The following CHD7 variants were observed in gnomAD, a reference collection of about 807,000 sequenced individuals.
CHD7 encodes chromodomain helicase DNA binding protein 7, also known as ATP-dependent chromatin remodeler CHD7.
In CHD7, 24 loss-of-function variants were observed where a neutral mutation model predicts 307.3. The ratio of observed to expected loss-of-function variants is 0.08; its 90% CI spans 0.06 to 0.11. The LOEUF (loss-of-function observed/expected upper bound fraction) is 0.11, where lower values mean the gene tolerates loss of function less well. CHD7 is among the 10% of genes least tolerant of loss of function. The pLI is 1.00. For synonymous variants in CHD7, 1,363 were observed against 1,349.9 expected (o/e 1.01, Z -0.21); for missense variants, 3,106 against 3,727.1 (o/e 0.83, Z 4.34).
chr8:60,865,231 C>G lies in CHD7; in HGVS notation c.8292C>G (p.Leu2764=), dbSNP rs1196717284. The G allele has an allele frequency of 6.2e-7, 1 of 1,608,418 alleles. No homozygotes were observed. Among genetic ancestry groups the G allele is most frequent in the Admixed American group, 1.7e-5 (1 of 59,188 alleles). ...CGAGCCTTCAGAATCTCCAGAATCTCCAGTCGCTCCAGCTGGCAGGCCTCA... is the reference window on the plus strand; with the variant it reads ...CGAGCCTTCAGAATCTCCAGAATCTGCAGTCGCTCCAGCTGGCAGGCCTCA... ...DLTSLQNLQN[L]QSLQLAGLMG... Residue 2764 remains leucine, a synonymous_variant, in exon 38 of 38, where the codon CTC becomes CTG. Coordinates refer to ENST00000423902, the MANE Select transcript of CHD7 (RefSeq NM_017780.4). The surrounding 1 kb of genome is among the most constrained non-coding windows in gnomAD (Gnocchi z 4.3).
At chr8:60,762,574 A>T (rs1810267547) in intron 2 of CHD7, among the ~76,000 whole-genome samples, 1 of 152,236 alleles carries the variant, frequency 6.6e-6, no homozygotes, top group Non-Finnish European at 1.5e-5. Context: ...AAAGACTGAG[A>T]TAATACATGT....
intron 3 of CHD7, among the ~76,000 whole-genome samples, chr8:60,792,815 C>T (rs1286531031): frequency 2.0e-5 from 3 of 152,276 alleles, no homozygotes; most frequent in East Asian, 1.9e-4. Context: ...GTGAAAAGCG[C>T]GAGCTGCCAA....
At chr8:60,837,594 C>T (rs778588634) in intron 17 of CHD7, 74 bp from the exon 18 acceptor site, 64 of 1,288,900 alleles carry the variant, frequency 5.0e-5, no homozygotes, top group Non-Finnish European at 6.6e-5. Flanking sequence ...ATGAGGGTTT[C>T]AGCATATGAA....
chr8:60,815,028 T>G (rs4738828), intron 7 of CHD7, among the ~76,000 whole-genome samples: 80,435 of 152,164 alleles, frequency 0.53, 25,563 homozygotes, highest in East Asian at 0.79. Context: ...ATTTTCAGAT[T>G]TGGAACCTGT....
chr8:60,761,786 T>C (rs755705553), intron 2 of CHD7, among the ~76,000 whole-genome samples: 5 of 152,122 alleles, frequency 3.3e-5, no homozygotes, highest in Non-Finnish European at 1.5e-5. Flanking sequence ...GCCCTTCCTG[T>C]TAATAAATAG....
At chr8:60,851,842 TAA>T (rs1162220483) in intron 28 of CHD7, among the ~76,000 whole-genome samples, 175 bp from the exon 29 acceptor site, 4 of 152,218 alleles carry the variant, frequency 2.6e-5, no homozygotes, top group East Asian at 1.9e-4. Context: ...AAAAAAGAAA[TAA>T]GTGTATATAT....
intron 7 of CHD7, among the ~76,000 whole-genome samples, chr8:60,811,219 C>T (rs1042586499): frequency 3.3e-5 from 5 of 152,086 alleles, no homozygotes; most frequent in African/African-American, 4.8e-5. Flanking sequence ...TTTTAGCCCC[C>T]GCTTGTTGAT....
At chr8:60,759,216 T>C (rs964884082) in intron 2 of CHD7, among the ~76,000 whole-genome samples, 1 of 152,194 alleles carries the variant, frequency 6.6e-6, no homozygotes, top group Non-Finnish European at 1.5e-5. Context: ...TAACTGTGTT[T>C]GGGAGTGGGA....
rs146636024 is a variant in CHD7, at chr8:60,853,628, T to G, written c.6775+128T>G. ...GTGTACATTTTCTTCTGTGAAGGGA[T>G]AATTTCAAGTTATGCTTATATCTGT... On this transcript the variant is annotated intron_variant, in intron 31 of 37. Transcript: ENST00000423902. 1.3e-3 allele frequency: 907 copies of G among 690,496 alleles called. 7 individuals are homozygous for G. In the African/African-American group the frequency reaches 0.015, roughly 11 times the overall value. 42.8% of individuals were successfully genotyped at this position (690,496 alleles called of 1,614,324 possible).
At chr8:60,708,110 A>G (rs1188859620) in intron 1 of CHD7, among the ~76,000 whole-genome samples, 3 of 152,238 alleles carry the variant, frequency 2.0e-5, no homozygotes, top group African/African-American at 7.2e-5. Flanking sequence ...TTTAGGAACC[A>G]GGAAGAATTT....
chr8:60,730,478 A>T (rs1554579143), intron 1 of CHD7, among the ~76,000 whole-genome samples: 1 of 152,012 alleles, frequency 6.6e-6, no homozygotes, highest in Non-Finnish European at 1.5e-5. Flanking sequence ...GGTACAGTAG[A>T]CCCCCTGCCC....
In CHD7 at chr8:60,781,408, C is replaced by T; in HGVS notation, c.2074C>T (p.Pro692Ser). 2 of 1,527,596 alleles carry T rather than the reference C, an allele frequency of 1.3e-6. No individual in the cohort carries two copies. The highest frequency in any genetic ancestry group is 1.7e-6 in the Non-Finnish European group (2 of 1,146,698). The allele number at this position is 1,527,596 out of a possible 1,614,324, so 94.6% of individuals were successfully genotyped here. The change falls in exon 3 of 38, where the codon CCC (proline) becomes TCC (serine). Residue 692 changes from proline (P) to serine (S), a missense_variant. Physicochemically the swap from Pro to Ser is moderately conservative, Grantham distance 74 (BLOSUM62 -1). This residue lies in a region of CHD7 where 998 missense variants were observed against 1,004.5 expected (regional missense o/e 0.99). Coordinates refer to ENST00000423902, the MANE Select transcript of CHD7 (RefSeq NM_017780.4). ...GAAAGCAAAAACTGCCACGCCAAAA[C>T]CCAAATCCAGCAAAAAGTCAAGGTA... ...EKKAKTATPK[P>S]KSSKKSSNKK... is the part of the protein sequence containing the mutation.
chr8:60,750,634 T>G (rs1166084307), intron 2 of CHD7, among the ~76,000 whole-genome samples: 1 of 152,202 alleles, frequency 6.6e-6, no homozygotes, highest in Non-Finnish European at 1.5e-5. Context: ...CAACATGTAG[T>G]CAGTATAAAA....
At position 60,856,723 on chromosome 8, in the gene CHD7, A is replaced by G. The variant is rs767478916; in HGVS notation, c.7443A>G (p.Gln2481=). 2 of 1,614,038 alleles carry G rather than the reference A, an allele frequency of 1.2e-6. No individual in the cohort carries two copies. The highest frequency in any genetic ancestry group is 1.7e-6 in the Non-Finnish European group (2 of 1,179,888). ...CAGTGTCTGATGCCTTTAAGACTCA[A>G]ATGGAACTGCTCCAAGCAGGCCTTT... is the stretch of plus-strand genomic sequence containing the variant. ...STPVSDAFKT[Q]MELLQAGLSR... The change falls in exon 34 of 38, where the codon CAA becomes CAG. Residue 2481 remains glutamine, a synonymous_variant. Coordinates refer to ENST00000423902, the MANE Select transcript of CHD7 (RefSeq NM_017780.4).
intron 2 of CHD7, among the ~76,000 whole-genome samples, chr8:60,779,054 C>G (rs1041239626): frequency 4.6e-5 from 7 of 152,334 alleles, no homozygotes; most frequent in Admixed American, 2.6e-4. Context: ...TATATCGTTA[C>G]TCTTTTTTCA....
chr8:60,843,798 G>A (rs1805076685), intron 21 of CHD7, among the ~76,000 whole-genome samples: 1 of 152,230 alleles, frequency 6.6e-6, no homozygotes, highest in Non-Finnish European at 1.5e-5. Flanking sequence ...GTAAGAGGGA[G>A]TGCTGGGGTT....
chr8:60,757,565 T>C (rs1267895820), intron 2 of CHD7, among the ~76,000 whole-genome samples: 3 of 152,316 alleles, frequency 2.0e-5, no homozygotes, highest in African/African-American at 4.8e-5. Context: ...TGACTCTTCC[T>C]AAAGAGGTTG....
chr8:60,838,199 C>T lies in CHD7; in HGVS notation c.4477C>T (p.Arg1493Cys), dbSNP rs1009126876. Residue 1493 changes from arginine to cysteine, a missense_variant, in exon 19 of 38, where the codon CGT becomes TGT. Coordinates refer to ENST00000423902, the MANE Select transcript of CHD7 (RefSeq NM_017780.4). ...CEEDIDQILL[R>C]RTHTITIESE... ...AGAAGATATTGATCAGATCCTCCTA[C>T]GTCGAACCCACACCATTACCATTGA... 1.6e-5 allele frequency: 25 copies of T among 1,601,626 alleles called. No homozygotes were observed. The highest frequency in any genetic ancestry group is 2.1e-5 in the Non-Finnish European group (25 of 1,174,006).
rs1806222700 is a variant in CHD7 at position 60,865,869 on chromosome 8, A to G, written c.8930A>G (p.Gln2977Arg). ...ESSLLEDEIAQGEELDSLDGG... is the reference protein window; with the variant it reads ...ESSLLEDEIARGEELDSLDGG... ...TCCCTCTTAGAAGACGAAATAGCACAGGGTGAAGAGCTAGACTCACTTGAT... is the reference window on the plus strand; with the variant it reads ...TCCCTCTTAGAAGACGAAATAGCACGGGGTGAAGAGCTAGACTCACTTGAT... The change falls in exon 38 of 38, where the codon CAG becomes CGG. Residue 2977 changes from glutamine to arginine, a missense_variant. Physicochemically the swap from Gln to Arg is conservative, Grantham distance 43. Around this residue, in one of 10 missense-constraint regions of CHD7, gnomAD observed 351 missense variants for 366.2 expected, o/e 0.96. Transcript: ENST00000423902. The surrounding 1 kb of genome is among the most constrained non-coding windows in gnomAD (Gnocchi z 4.3). 1 of 1,612,220 alleles carries G rather than the reference A, an allele frequency of 6.2e-7. No homozygotes were observed. The highest frequency in any genetic ancestry group is 8.5e-7 in the Non-Finnish European group (1 of 1,179,110).
Sources: allele counts gnomAD v4.1 joint callset (sites outside exome capture counted in the v4.1 genomes callset), GRCh38; gene constraint gnomAD v4.1.1; regional missense constraint gnomAD v4.1.1; non-coding constraint Gnocchi (gnomAD v3.1); transcripts MANE v1.5; gene names NCBI Gene and HGNC (gene_info 2026-07-23, HGNC 2026-07-21).